ECPAS: variants seen among roughly 807,000 people sequenced by gnomAD.
ECPAS encodes the protein Ecm29 proteasome adaptor and scaffold.
In ECPAS, 70 loss-of-function variants were observed where a neutral mutation model predicts 255.1. That is an observed-to-expected ratio of 0.27 (90% confidence interval 0.23 to 0.33). The LOEUF (loss-of-function observed/expected upper bound fraction) is 0.33, where lower values mean the gene tolerates loss of function less well. Ranked by LOEUF, ECPAS falls within the 10% of genes least tolerant of loss-of-function variation. The pLI is 1.00. For missense variants in ECPAS, 1,817 were observed against 2,206.4 expected (o/e 0.82, Z 3.54); for synonymous variants, 784 against 775.0 (o/e 1.01, Z -0.19).
rs779820926 is a variant in ECPAS, at chr9:111,383,175, A to T, written c.3803+36T>A. 4 of 1,606,812 alleles carry T rather than the reference A, an allele frequency of 2.5e-6. No homozygotes were observed. In the African/African-American group the frequency reaches 5.3e-5, roughly 21 times the overall value. ...GAAACACAATTTCTAGGAACTGAGC[A>T]AATCCAATACATTCATTTCATCAAC... On this transcript the variant is annotated intron_variant, in intron 35 of 49. Transcript: ENST00000684092.
Position 111,374,019 on chromosome 9 carries a change from A to C in ECPAS, c.4130T>G (p.Ile1377Ser). 6.2e-7 allele frequency: 1 copy of C among 1,613,352 alleles called. No individual in the cohort carries two copies. Residue 1377 changes from isoleucine to serine, a missense_variant, in exon 39 of 50, where the codon ATT becomes AGT. Transcript: ENST00000684092. ...AGGACACTGAGTAGTTAATGACACA[A>C]TGACACTGGCACAGCCACCCTACAG... The part of the protein sequence containing the change: ...LGTKGGCASV[I>S]VSLTTQCPQD...
intron 7 of ECPAS, among the ~76,000 whole-genome samples, chr9:111,435,566 A>C (rs1160856834): frequency 1.3e-5 from 2 of 152,082 alleles, no homozygotes; most frequent in African/African-American, 2.4e-5. Flanking sequence ...GGAACTAACA[A>C]TTTCTATACC....
intron 1 of ECPAS, chr9:111,483,820 C>T (rs2098310877): frequency 4.3e-6 from 1 of 231,680 alleles, no homozygotes; most frequent in Non-Finnish European, 7.0e-6. Flanking sequence ...CGGCCGAATC[C>T]CCGTGCGCCA....
In ECPAS at chr9:111,416,336, T is replaced by C; in HGVS notation, c.1700A>G (p.Lys567Arg). ...CCCGGTCATGTACTTGACTGGAGTT[T>C]TCATTCGATGAGAAGCCTAAGTTTA... ...YIQEKASHRM[K>R]TPVKYMTGTT... The change falls in exon 18 of 50, where the codon AAA becomes AGA. Residue 567 changes from lysine to arginine, a missense_variant. Physicochemically the swap from Lys to Arg is conservative, Grantham distance 26. Around this residue, in one of 4 missense-constraint regions of ECPAS, gnomAD observed 573 missense variants for 716.2 expected, o/e 0.80. Transcript: ENST00000684092. 3.7e-6 allele frequency: 6 copies of C among 1,613,662 alleles called. No homozygotes were observed. The Admixed American group carries it at 8.3e-5, about 22-fold the overall frequency.
chr9:111,393,821 T>C (rs2098163793), intron 26 of ECPAS, 87 bp from the exon 27 acceptor site: 3 of 982,138 alleles, frequency 3.1e-6, no homozygotes, highest in East Asian at 2.4e-5. Flanking sequence ...ACAAAATTTG[T>C]AGTCTTATTA....
At chr9:111,362,578 G>A (rs2098115048) in intron 49 of ECPAS, among the ~76,000 whole-genome samples, 1 of 152,008 alleles carries the variant, frequency 6.6e-6, no homozygotes, top group African/African-American at 2.4e-5. Flanking sequence ...TCTAAGAAAT[G>A]TCATAATTGC....
At chr9:111,384,408 T>C in intron 34 of ECPAS, 114 bp downstream of exon 34, 1 of 920,124 alleles carries the variant, frequency 1.1e-6, no homozygotes, top group Non-Finnish European at 1.8e-6. Context: ...AACTACAACA[T>C]GAAGCCAATT....
intron 2 of ECPAS, among the ~76,000 whole-genome samples, chr9:111,453,223 G>A (rs1000550190): frequency 2.6e-5 from 4 of 152,052 alleles, no homozygotes; most frequent in Non-Finnish European, 4.4e-5. Context: ...CTCCAGCATG[G>A]GTGACACAGT....
chr9:111,382,259 A>C (rs1314173998), intron 35 of ECPAS, among the ~76,000 whole-genome samples: 1 of 106,936 alleles, frequency 9.4e-6, no homozygotes, highest in Non-Finnish European at 1.9e-5. Context: ...AAAAAGTGAT[A>C]CTTTTTTTTT....
chr9:111,473,214 T>G (rs1355454068), intron 1 of ECPAS, among the ~76,000 whole-genome samples: 1 of 152,190 alleles, frequency 6.6e-6, no homozygotes, highest in African/African-American at 2.4e-5. Context: ...ATGCTAATAC[T>G]TCAAAAAATA....
intron 6 of ECPAS, 117 bp downstream of exon 6, chr9:111,440,255 G>T: frequency 3.4e-6 from 3 of 883,464 alleles, no homozygotes; most frequent in Non-Finnish European, 4.9e-6. Flanking sequence ...CTTTGTAAAC[G>T]TAAATGGATG....
chr9:111,454,445 T>A (rs1434751598), intron 2 of ECPAS, among the ~76,000 whole-genome samples: 2 of 151,922 alleles, frequency 1.3e-5, no homozygotes, highest in Non-Finnish European at 2.9e-5. Flanking sequence ...CAGGCAAATA[T>A]AACATCCTAA....
At position 111,361,892 on chromosome 9, in the gene ECPAS, GCTTTTT is replaced by G. The variant is rs1207210433; in HGVS notation, c.*132_*137del. On this transcript the variant is annotated 3_prime_UTR_variant, in exon 50 of 50. Coordinates refer to ENST00000684092, the MANE Select transcript of ECPAS (RefSeq NM_001364929.1). ...AAGCTAATAAGGAACAAAATTTAAGGCTTTTTCTTTTTATTTCAGCCAAGGAATGAT... is the reference window on the plus strand; with the variant it reads ...AAGCTAATAAGGAACAAAATTTAAGGCTTTTTATTTCAGCCAAGGAATGAT... 3.9e-6 allele frequency: 4 copies of G among 1,035,132 alleles called. No homozygotes were observed. The East Asian group carries it at 7.9e-5, about 21-fold the overall frequency. 64.1% of individuals were successfully genotyped at this position (1,035,132 alleles called of 1,614,324 possible). A position where few individuals can be genotyped will look rare whatever the true frequency, so the allele number is the denominator to read the frequency against.
At chr9:111,434,394 A>C (rs1239087348) in intron 7 of ECPAS, among the ~76,000 whole-genome samples, 1 of 152,240 alleles carries the variant, frequency 6.6e-6, no homozygotes, top group Non-Finnish European at 1.5e-5. Flanking sequence ...CATATCACAT[A>C]TAATTGTAAA....
At chr9:111,447,210 G>A (rs973276359) in intron 3 of ECPAS, among the ~76,000 whole-genome samples, 1 of 151,332 alleles carries the variant, frequency 6.6e-6, no homozygotes, top group Non-Finnish European at 1.5e-5. Context: ...CTGCAGCCTC[G>A]AACTCCTAGT....
At position 111,472,952 on chromosome 9, in the gene ECPAS, C is replaced by G. The variant is rs1236184813; in HGVS notation, c.-34G>C. ...CAATCTTGACAAAAATCCTCGGGATCACCAATGGTACGTTCATCCACTCGT... is the reference window on the plus strand; with the variant it reads ...CAATCTTGACAAAAATCCTCGGGATGACCAATGGTACGTTCATCCACTCGT... On this transcript the variant is annotated 5_prime_UTR_variant, in exon 2 of 50. Transcript: ENST00000684092. 1 of 1,242,774 alleles carries G rather than the reference C, an allele frequency of 8.0e-7. No individual in the cohort carries two copies. Among genetic ancestry groups the G allele is most frequent in the Non-Finnish European group, 1.0e-6 (1 of 966,448 alleles). 77.0% of individuals were successfully genotyped at this position (1,242,774 alleles called of 1,614,324 possible). A position where few individuals can be genotyped will look rare whatever the true frequency, so the allele number is the denominator to read the frequency against.
chr9:111,421,879 A>G (rs765143264), intron 15 of ECPAS, 42 bp downstream of exon 15: 34 of 1,584,862 alleles, frequency 2.1e-5, no homozygotes, highest in Non-Finnish European at 2.7e-5. Context: ...TTAAAAATGT[A>G]AACCGTATAC....
intron 6 of ECPAS, among the ~76,000 whole-genome samples, 165 bp from the exon 7 acceptor site, chr9:111,437,273 A>G (rs1317862085): frequency 6.6e-6 from 1 of 152,228 alleles, no homozygotes; most frequent in Non-Finnish European, 1.5e-5. Flanking sequence ...AGGTATCTAA[A>G]AAAGATGTAT....
At chr9:111,474,623 C>T (rs928833556) in intron 1 of ECPAS, among the ~76,000 whole-genome samples, 1 of 152,202 alleles carries the variant, frequency 6.6e-6, no homozygotes. Context: ...CTACTGTCTA[C>T]AGAACAAAGT....
Sources: allele counts gnomAD v4.1 joint callset (sites outside exome capture counted in the v4.1 genomes callset), GRCh38; gene constraint gnomAD v4.1.1; regional missense constraint gnomAD v4.1.1; transcripts MANE v1.5; gene names NCBI Gene and HGNC (gene_info 2026-07-23, HGNC 2026-07-21).